MECOM: variants seen among roughly 807,000 people sequenced by gnomAD.
MECOM encodes the protein histone-lysine N-methyltransferase MECOM.
Under a neutral mutation model 116.3 loss-of-function variants are expected in MECOM, and 13 were observed. That is an observed-to-expected ratio of 0.11 (90% confidence interval 0.07 to 0.18). The LOEUF is 0.18. MECOM is among the 10% of genes least tolerant of loss of function. MECOM has a pLI of 1.00. For synonymous variants in MECOM, 528 were observed against 535.2 expected, an observed-to-expected ratio of 0.99 and a Z score of 0.19; for missense variants, 1,299 against 1,509.0, an observed-to-expected ratio of 0.86 and a Z score of 2.31.
chr3:169,332,658 G>A (rs1018249982), intron 2 of MECOM, among the ~76,000 whole-genome samples: 19 of 151,864 alleles, frequency 1.3e-4, no homozygotes, highest in African/African-American at 4.4e-4. Flanking sequence ...GTACCATATG[G>A]GACATTTCAT....
chr3:169,189,351 A>C (rs1747211591), intron 2 of MECOM, among the ~76,000 whole-genome samples: 1 of 151,986 alleles, frequency 6.6e-6, no homozygotes, highest in South Asian at 2.1e-4. Context: ...CAATACTTTC[A>C]TTCAGCCAAC....
chr3:169,460,778 T>A (rs1747309380), intron 1 of MECOM, among the ~76,000 whole-genome samples: 1 of 152,254 alleles, frequency 6.6e-6, no homozygotes, highest in East Asian at 1.9e-4. Flanking sequence ...ACTCAGGTTT[T>A]GTCAAGAGTG....
intron 1 of MECOM, among the ~76,000 whole-genome samples, chr3:169,601,898 T>C (rs1166764765): frequency 6.6e-6 from 1 of 152,222 alleles, no homozygotes; most frequent in Non-Finnish European, 1.5e-5. Context: ...AACTTTTCCA[T>C]CTGTTTCTAA....
At chr3:169,090,651 C>T (rs147086618) in intron 14 of MECOM, among the ~76,000 whole-genome samples, 271 of 151,724 alleles carry the variant, frequency 1.8e-3, no homozygotes, top group Non-Finnish European at 3.5e-3. Flanking sequence ...ACTCATGGGC[C>T]GTAGCTACAA....
At chr3:169,662,646 A>AGCGCC (rs1288841856) in intron 1 of MECOM, among the ~76,000 whole-genome samples, 39 of 121,602 alleles carry the variant, frequency 3.2e-4, no homozygotes, top group Admixed American at 4.0e-4. Context: ...CCCGCCGCGC[A>AGCGCC]GCGCCGCGCC....
intron 2 of MECOM, among the ~76,000 whole-genome samples, chr3:169,333,847 G>GCCTTCCTTCCTTCTTT (rs889922861): frequency 0.01 from 1,239 of 120,536 alleles, 20 homozygotes; most frequent in African/African-American, 0.039. Flanking sequence ...CTACCTCCCC[G>GCCTTCCTTCCTTCTTT]CCTTCCTTCC....
At chr3:169,458,569 T>C (rs1044273521) in intron 1 of MECOM, among the ~76,000 whole-genome samples, 1 of 152,228 alleles carries the variant, frequency 6.6e-6, no homozygotes, top group Non-Finnish European at 1.5e-5. Flanking sequence ...GAACCATTTA[T>C]GCAACCTGGG....
intron 2 of MECOM, among the ~76,000 whole-genome samples, chr3:169,219,755 G>GTA (rs1560009145): frequency 6.7e-6 from 1 of 149,990 alleles, no homozygotes; most frequent in East Asian, 1.9e-4. Context: ...ATAGGTGTGT[G>GTA]TATATATATA....
chr3:169,528,579 G>T (rs1758216133), intron 1 of MECOM, among the ~76,000 whole-genome samples: 2 of 151,982 alleles, frequency 1.3e-5, no homozygotes, highest in Admixed American at 1.3e-4. Flanking sequence ...TTCCATATTT[G>T]TCATCTTGAA....
At chr3:169,533,198 C>T (rs776680413) in intron 1 of MECOM, among the ~76,000 whole-genome samples, 2 of 152,120 alleles carry the variant, frequency 1.3e-5, no homozygotes, top group African/African-American at 2.4e-5. Flanking sequence ...TGGCCCTTCA[C>T]TGATCAAGCT....
At position 169,474,461 on chromosome 3, in the gene MECOM, A is replaced by G. The variant is rs1289099131; in HGVS notation, c.38-92937T>C. Among the ~76,000 whole-genome samples the G allele has an allele frequency of 2.0e-5, 3 of 152,148 alleles. No individual in the cohort carries two copies. The East Asian group carries it at 5.8e-4, about 29-fold the overall frequency. ...TGGAATGTCAACAGAATGGTAATAT[A>G]CCACCTTGGGTTGATGGGACAGTTT... On this transcript the variant is annotated intron_variant, in intron 1 of 16. Transcript: ENST00000651503.
chr3:169,421,827 A>C (rs1739806809), intron 1 of MECOM, among the ~76,000 whole-genome samples: 1 of 152,118 alleles, frequency 6.6e-6, no homozygotes, highest in African/African-American at 2.4e-5. Flanking sequence ...GTAAGAGGTG[A>C]GAGCCTGAAG....
intron 1 of MECOM, among the ~76,000 whole-genome samples, chr3:169,399,397 T>C (rs1346564569): frequency 1.3e-5 from 2 of 152,212 alleles, no homozygotes; most frequent in Admixed American, 6.5e-5. Context: ...TTTTCTAGAA[T>C]TGTAGACTAC....
chr3:169,217,842 TAATA>T (rs1292528722), intron 2 of MECOM, among the ~76,000 whole-genome samples: 1 of 127,948 alleles, frequency 7.8e-6, no homozygotes, highest in African/African-American at 2.6e-5. Flanking sequence ...AATATATATG[TAATA>T]TATATATATA....
intron 1 of MECOM, among the ~76,000 whole-genome samples, chr3:169,462,640 G>T (rs539071262): frequency 6.6e-6 from 1 of 152,230 alleles, no homozygotes; most frequent in African/African-American, 2.4e-5. Context: ...TTACTTATCT[G>T]TATCACACTG....
intron 14 of MECOM, among the ~76,000 whole-genome samples, chr3:169,092,342 A>G (rs994012778): frequency 2.0e-5 from 3 of 152,036 alleles, no homozygotes; most frequent in Admixed American, 6.6e-5. Context: ...AAAAGCTTCT[A>G]TGTAAAATAT....
chr3:169,129,599 T>C (rs113906096), intron 4 of MECOM, among the ~76,000 whole-genome samples: 5 of 152,202 alleles, frequency 3.3e-5, no homozygotes, highest in Non-Finnish European at 5.9e-5. Flanking sequence ...AAAGACAGGA[T>C]TCTCAATGAC....
At chr3:169,344,106 T>C (rs568389795) in intron 2 of MECOM, among the ~76,000 whole-genome samples, 6 of 152,290 alleles carry the variant, frequency 3.9e-5, no homozygotes, top group South Asian at 2.1e-4. Context: ...GATTGATCTT[T>C]GTAATGAATA....
chr3:169,307,241 T>G (rs572393648), intron 2 of MECOM, among the ~76,000 whole-genome samples: 1 of 152,320 alleles, frequency 6.6e-6, no homozygotes, highest in South Asian at 2.1e-4. Context: ...ACCATCACTC[T>G]AGTTACAGCT....
Sources: allele counts gnomAD v4.1 joint callset (sites outside exome capture counted in the v4.1 genomes callset), GRCh38; gene constraint gnomAD v4.1.1; transcripts MANE v1.5; gene names NCBI Gene and HGNC (gene_info 2026-07-23, HGNC 2026-07-21).